The following TET3 variants were observed in gnomAD, a reference collection of about 807,000 sequenced individuals.
TET3 encodes the protein tet methylcytosine dioxygenase 3.
A neutral mutation model predicts 141.4 loss-of-function variants in TET3; 19 were observed. That is an observed-to-expected ratio of 0.13 (90% confidence interval 0.09 to 0.20). TET3 has a LOEUF of 0.20. Among genes scored for constraint, TET3 ranks in the 10% least tolerant of loss-of-function variants. The probability of loss-of-function intolerance (pLI) is 1.00; values close to 1 mark genes in which losing one functional copy is unlikely to be tolerated. For missense variants in TET3, 1,874 were observed against 2,356.9 expected (o/e 0.80, Z 4.24); for synonymous variants, 1,043 against 980.9 (o/e 1.06, Z -1.18).
At chr2:74,062,640 A>T (rs1688657009) in intron 4 of TET3, among the ~76,000 whole-genome samples, 2 of 152,194 alleles carry the variant, frequency 1.3e-5, no homozygotes, top group Admixed American at 1.3e-4. Context: ...GATGGTGCTG[A>T]TGGGGGAAAT....
In TET3 at chr2:73,986,160, TC is replaced by T. The variant is rs1558686396; in HGVS notation, c.-239del. On this transcript the variant is annotated 5_prime_UTR_variant, in exon 2 of 12. The change abolishes the stop of an existing upstream ORF in the 5' untranslated region. Transcript: ENST00000409262. ...TTTCTGAGGGCTGCTGCTGGTGTCC[TC>T]CCCCAGATCCTGGGCCCCAGCAGGT... is the stretch of plus-strand genomic sequence containing the variant. 1 of 359,082 alleles carries T rather than the reference TC, an allele frequency of 2.8e-6. No homozygotes were observed. Among genetic ancestry groups the T allele is most frequent in the Non-Finnish European group, 5.0e-6 (1 of 201,866 alleles). The allele number at this position is 359,082 out of a possible 1,614,324, so 22.2% of individuals were successfully genotyped here.
the TET3 span, chr2:74,134,606 C>T: frequency 2.3e-6 from 1 of 438,522 alleles, no homozygotes; most frequent in Non-Finnish European, 4.6e-6. Flanking sequence ...GGTCAACCTC[C>T]CACTGCCATG....
At chr2:74,075,918 T>G (rs1192127797) in intron 5 of TET3, among the ~76,000 whole-genome samples, 1 of 152,190 alleles carries the variant, frequency 6.6e-6, no homozygotes, top group Non-Finnish European at 1.5e-5. Context: ...AGTTTGCAGA[T>G]TAGACCAGGC....
rs568506646 is a variant in TET3 at position 74,029,140 on chromosome 2, C to T, written c.361-17138C>T. Reference sequence around the variant, plus strand: ...GTTGTCCCCAAAGGCTTACTAGACACGTACCTTTTATATTTGTAGTCACCC... The same window carrying T: ...GTTGTCCCCAAAGGCTTACTAGACATGTACCTTTTATATTTGTAGTCACCC... On this transcript the variant is annotated intron_variant, in intron 3 of 11. Transcript: ENST00000409262. 5.9e-5 allele frequency among the ~76,000 whole-genome samples: 9 copies of T among 152,308 alleles called. No individual in the cohort carries two copies. The East Asian group carries it at 9.6e-4, about 16-fold the overall frequency.
At chr2:74,121,670 G>T in the TET3 span, 1 of 151,934 alleles carries the variant, frequency 6.6e-6, no homozygotes, top group African/African-American at 2.4e-5. Flanking sequence ...TAATGAGCTC[G>T]TTATCAAACC....
intron 2 of TET3, among the ~76,000 whole-genome samples, chr2:74,000,378 G>A (rs932148360): frequency 8.5e-5 from 13 of 152,192 alleles, no homozygotes; most frequent in Non-Finnish European, 5.9e-5. Flanking sequence ...ATAAATAACT[G>A]CACTTTATTG....
chr2:74,010,999 A>G (rs974056430), intron 3 of TET3, among the ~76,000 whole-genome samples: 2 of 152,066 alleles, frequency 1.3e-5, no homozygotes, highest in African/African-American at 4.8e-5. Context: ...GCACTTTGGG[A>G]GGCTGAGGTG....
Position 73,986,482 on chromosome 2 carries a change from G to A in TET3, c.79G>A (p.Val27Ile), listed in dbSNP as rs142623499. The A allele has an allele frequency of 4.2e-4, 512 of 1,232,166 alleles. 1 individual carries two copies. Among genetic ancestry groups the A allele is most frequent in the Middle Eastern group, 1.2e-3 (4 of 3,210 alleles). The allele number at this position is 1,232,166 out of a possible 1,614,324, so 76.3% of individuals were successfully genotyped here. The change falls in exon 2 of 12, where the codon GTA becomes ATA. Residue 27 changes from valine (V) to isoleucine (I), a missense_variant. Val to Ile is a conservative substitution (Grantham distance 29, BLOSUM62 3). Around this residue, in one of 10 missense-constraint regions of TET3, gnomAD observed 366 missense variants for 487.0 expected, o/e 0.75. Transcript: ENST00000409262. The stretch of plus-strand genomic sequence containing the variant: ...TGACTTCCCTCAGCGCCAGGTGATG[G>A]TAGGGAGCTTCCCGGGGTCTGGGCT... ...LYDFPQRQVM[V>I]GSFPGSGLSM... is the part of the protein sequence containing the mutation.
intron 2 of TET3, 29 bp from the exon 3 acceptor site, chr2:74,003,081 C>T: frequency 6.4e-7 from 1 of 1,550,488 alleles, no homozygotes; most frequent in Non-Finnish European, 8.7e-7. Flanking sequence ...ACCCGCCTGG[C>T]TCACACGTTC....
chr2:73,985,423 G>T (rs1409822803), intron 1 of TET3, among the ~76,000 whole-genome samples: 1 of 144,694 alleles, frequency 6.9e-6, no homozygotes, highest in Non-Finnish European at 1.5e-5. Flanking sequence ...GCGCGCGCGC[G>T]GCCCGGCCCG....
intron 5 of TET3, among the ~76,000 whole-genome samples, chr2:74,075,819 A>T (rs1301785901): frequency 1.3e-5 from 2 of 152,202 alleles, no homozygotes; most frequent in Non-Finnish European, 2.9e-5. Context: ...GTATGAGGGC[A>T]CTTCTGAGTC....
chr2:74,031,691 G>A (rs1030070078), intron 3 of TET3, among the ~76,000 whole-genome samples: 1 of 152,140 alleles, frequency 6.6e-6, no homozygotes, highest in Non-Finnish European at 1.5e-5. Context: ...CTGGTAGGTG[G>A]ATACCCTCTG....
the TET3 span, among the ~76,000 whole-genome samples, chr2:74,124,341 C>G: frequency 1.3e-5 from 2 of 151,334 alleles, no homozygotes; most frequent in Admixed American, 6.6e-5. Context: ...GCCAGCCGCC[C>G]CGTCCGGGAG....
chr2:74,089,810 C>T, intron 7 of TET3, 87 bp from the exon 8 acceptor site: 2 of 1,536,278 alleles, frequency 1.3e-6, no homozygotes, highest in Non-Finnish European at 8.9e-7. Flanking sequence ...TGCCAGGGCT[C>T]AGCAGGGCCA....
At chr2:74,000,384 T>C (rs986202835) in intron 2 of TET3, among the ~76,000 whole-genome samples, 2 of 152,158 alleles carry the variant, frequency 1.3e-5, no homozygotes, top group Non-Finnish European at 2.9e-5. Context: ...AACTGCACTT[T>C]ATTGTGACTG....
At chr2:74,099,010 C>T (rs1239446165) in intron 10 of TET3, among the ~76,000 whole-genome samples, 2 of 152,186 alleles carry the variant, frequency 1.3e-5, no homozygotes, top group African/African-American at 2.4e-5. Flanking sequence ...AGGCCCCTTG[C>T]CAGGTATCTC....
At chr2:73,984,826 G>C (rs1331471309), upstream of TET3, among the ~76,000 whole-genome samples, 1 of 147,762 alleles carries the variant, frequency 6.8e-6, no homozygotes, top group Non-Finnish European at 1.5e-5. This position sits in a 1 kb window ranked among gnomAD's most constrained non-coding sequence, Gnocchi z 5.6. Context: ...CCGGGCCGGC[G>C]GGGCTCGGCG....
At chr2:73,990,214 TA>T (rs11372229) in intron 2 of TET3, among the ~76,000 whole-genome samples, 110 of 144,442 alleles carry the variant, frequency 7.6e-4, no homozygotes, top group Non-Finnish European at 9.4e-4. Context: ...ACCCCATTGC[TA>T]AAAAAAAAAA....
At chr2:74,110,087 T>C (rs992468242), downstream of TET3, among the ~76,000 whole-genome samples, 1 of 152,152 alleles carries the variant, frequency 6.6e-6, no homozygotes, top group Non-Finnish European at 1.5e-5. Context: ...ATAAGAGCTA[T>C]CATTATTACT....
Sources: gnomAD v4.1 joint callset for allele counts (sites outside exome capture counted in the v4.1 genomes callset) on GRCh38, gnomAD v4.1.1 for gene constraint, gnomAD v4.1.1 regional missense constraint, Gnocchi (gnomAD v3.1) non-coding constraint, MANE v1.5 for transcripts, NCBI Gene and HGNC (gene_info 2026-07-23, HGNC 2026-07-21) for gene names.